The following NR3C1 variants were observed in gnomAD, a reference collection of about 807,000 sequenced individuals.
NR3C1 encodes nuclear receptor subfamily 3 group C member 1.
In NR3C1, 14 loss-of-function variants were observed where a neutral mutation model predicts 74.0. The observed-to-expected ratio is 0.19, with a 90% CI of 0.12 to 0.30. The LOEUF (loss-of-function observed/expected upper bound fraction) is 0.30. Among genes scored for constraint, NR3C1 ranks in the 10% least tolerant of loss-of-function variants. NR3C1 has a pLI of 1.00. For synonymous variants in NR3C1, 308 were observed against 332.5 expected (o/e 0.93, Z 0.80); for missense variants, 695 against 909.8 (o/e 0.76, Z 3.04).
At chr5:143,406,920 C>A (rs1441692594), upstream of NR3C1, 1 of 152,142 alleles carries the variant, frequency 6.6e-6, no homozygotes, top group Admixed American at 6.5e-5. Flanking sequence ...ACAATTCTAA[C>A]GAAAGTCAAC....
chr5:143,391,319 C>G (rs1037261786), intron 2 of NR3C1, among the ~76,000 whole-genome samples: 2 of 151,956 alleles, frequency 1.3e-5, no homozygotes, highest in Admixed American at 6.6e-5. Context: ...ATAAAGAAAA[C>G]AAGTCAGTGC....
At chr5:143,350,913 C>G (rs1290126682) in intron 2 of NR3C1, among the ~76,000 whole-genome samples, 2 of 152,090 alleles carry the variant, frequency 1.3e-5, no homozygotes, top group Non-Finnish European at 1.5e-5. Context: ...TGGAAAGTGC[C>G]CACTGAATTT....
At chr5:143,389,245 T>G (rs991898995) in intron 2 of NR3C1, among the ~76,000 whole-genome samples, 1 of 152,194 alleles carries the variant, frequency 6.6e-6, no homozygotes, top group Admixed American at 6.5e-5. Context: ...ATATGCCCAG[T>G]GTCTAGCTTG....
chr5:143,335,624 A>G (rs7730946), intron 2 of NR3C1, among the ~76,000 whole-genome samples: 2,766 of 152,284 alleles, frequency 0.018, 99 homozygotes, highest in African/African-American at 0.063. Context: ...GGGGATAACA[A>G]TATAAATGGC....
chr5:143,374,413 C>T (rs537722784), intron 2 of NR3C1, among the ~76,000 whole-genome samples: 14 of 151,902 alleles, frequency 9.2e-5, no homozygotes, highest in African/African-American at 3.4e-4. Flanking sequence ...ATGGCGTGAA[C>T]CAGGGAGGCG....
At chr5:143,402,908 C>T in intron 1 of NR3C1, 1 of 918,486 alleles carries the variant, frequency 1.1e-6, no homozygotes, top group Non-Finnish European at 1.3e-6. Flanking sequence ...CCAGGATTCC[C>T]GCGAGGAATG....
At chr5:143,399,061 C>G (rs1020869938) in intron 2 of NR3C1, among the ~76,000 whole-genome samples, 3 of 152,190 alleles carry the variant, frequency 2.0e-5, no homozygotes, top group African/African-American at 7.2e-5. Flanking sequence ...GTGAGCAAGA[C>G]CTGTGTCTAA....
intron 1 of NR3C1, among the ~76,000 whole-genome samples, chr5:143,422,760 C>G (rs34396341): frequency 0.18 from 27,666 of 152,148 alleles, 2,725 homozygotes; most frequent in Middle Eastern, 0.34. Flanking sequence ...TTGTTTATAA[C>G]CCACGCAGTC....
intron 2 of NR3C1, among the ~76,000 whole-genome samples, chr5:143,384,196 A>C (rs948406611): frequency 5.9e-5 from 9 of 152,200 alleles, no homozygotes; most frequent in African/African-American, 1.7e-4. Flanking sequence ...CATGAGAACA[A>C]CAAGAGGGAA....
chr5:143,300,781 A>G lies in NR3C1; in HGVS notation c.1469-18T>C, dbSNP rs1270547470. 2 of 1,609,742 alleles carry G rather than the reference A, an allele frequency of 1.2e-6. No individual in the cohort carries two copies. Among genetic ancestry groups the G allele is most frequent in the South Asian group, 2.2e-5 (2 of 90,846 alleles). ...TTTTCGAGCTGTGGGTATTTAAACA[A>G]ATACATAGAAATGAACTGTAATGGG... On this transcript the variant is annotated intron_variant, in intron 4 of 8. Transcript: ENST00000394464. The surrounding 1 kb of genome is among the most constrained non-coding windows in gnomAD (Gnocchi z 5.2).
At chr5:143,285,701 T>G (rs1230015934) in intron 7 of NR3C1, among the ~76,000 whole-genome samples, 1 of 152,086 alleles carries the variant, frequency 6.6e-6, no homozygotes, top group Non-Finnish European at 1.5e-5. Flanking sequence ...ATCATAAAAT[T>G]AAAAATCTCT....
At chr5:143,415,925 G>A (rs528089145) in intron 1 of NR3C1, among the ~76,000 whole-genome samples, 1 of 152,282 alleles carries the variant, frequency 6.6e-6, no homozygotes, top group African/African-American at 2.4e-5. Flanking sequence ...AGTAGTCATG[G>A]ATGGCTATGC....
chr5:143,399,841 G>C lies in NR3C1; in HGVS notation c.999C>G (p.His333Gln), dbSNP rs747873036. 5 of 1,614,196 alleles carry C rather than the reference G, an allele frequency of 3.1e-6. No individual in the cohort carries two copies. Among genetic ancestry groups the C allele is most frequent in the South Asian group, 1.1e-5 (1 of 91,084 alleles). ...AAAGGGATGCTGTATTCATGTCATAGTGGTACATCTGTCCTCCAGAGGTAC... is the reference window on the plus strand; with the variant it reads ...AAAGGGATGCTGTATTCATGTCATACTGGTACATCTGTCCTCCAGAGGTAC... ...GVSTSGGQMYHYDMNTASLSQ... is the reference protein window; with the variant it reads ...GVSTSGGQMYQYDMNTASLSQ... Residue 333 changes from histidine (H) to glutamine (Q), a missense_variant, in exon 2 of 9, where the codon CAC (histidine) becomes CAG (glutamine). By Grantham distance (24) the His-to-Gln change is conservative (BLOSUM62 0). Coordinates refer to ENST00000394464, the MANE Select transcript of NR3C1 (RefSeq NM_000176.3).
chr5:143,341,087 T>TG (rs1460819099), intron 2 of NR3C1, among the ~76,000 whole-genome samples: 1 of 152,226 alleles, frequency 6.6e-6, no homozygotes, highest in Non-Finnish European at 1.5e-5. Context: ...TTCAGAGGTT[T>TG]GATAAGCTGT....
chr5:143,362,363 T>G (rs1027101366), intron 2 of NR3C1, among the ~76,000 whole-genome samples: 8 of 151,512 alleles, frequency 5.3e-5, no homozygotes, highest in East Asian at 1.9e-4. Context: ...AAGACTTGTT[T>G]TTTTTTTTTT....
At chr5:143,433,845 G>A (rs766809719) in intron 1 of NR3C1, 1 of 152,196 alleles carries the variant, frequency 6.6e-6, no homozygotes, top group Non-Finnish European at 1.5e-5. Flanking sequence ...AGGTCAGGGC[G>A]GTCCTTTGCT....
chr5:143,350,227 T>G (rs955624351), intron 2 of NR3C1, among the ~76,000 whole-genome samples: 2 of 152,088 alleles, frequency 1.3e-5, no homozygotes, highest in Non-Finnish European at 2.9e-5. Flanking sequence ...AGCTGCAGTA[T>G]AGAATATAGA....
At chr5:143,291,760 TGA>T (rs1816006694) in intron 7 of NR3C1, among the ~76,000 whole-genome samples, 1 of 152,238 alleles carries the variant, frequency 6.6e-6, no homozygotes. Context: ...AGTCTACTGA[TGA>T]GCCCATCAAC....
chr5:143,399,548 A>G, intron 2 of NR3C1, 108 bp downstream of exon 2: 1 of 911,120 alleles, frequency 1.1e-6, no homozygotes, highest in South Asian at 1.5e-5. Flanking sequence ...TATTCATATA[A>G]AAAAGCACAT....
Sources: allele counts gnomAD v4.1 joint callset (sites outside exome capture counted in the v4.1 genomes callset), GRCh38; gene constraint gnomAD v4.1.1; non-coding constraint Gnocchi (gnomAD v3.1); transcripts MANE v1.5; gene names NCBI Gene and HGNC (gene_info 2026-07-23, HGNC 2026-07-21).